Variants in PRICKLE1 observed in about 807,000 individuals in gnomAD.
The protein encoded by PRICKLE1 is prickle planar cell polarity protein 1, also known as prickle-like protein 1.
In PRICKLE1, 14 loss-of-function variants were observed where a neutral mutation model predicts 70.2. That is an observed-to-expected ratio of 0.20 (90% CI 0.13 to 0.31). PRICKLE1 has a LOEUF of 0.31. Ranked by LOEUF, PRICKLE1 falls within the 10% of genes least tolerant of loss-of-function variation. PRICKLE1 has a pLI of 1.00. For synonymous variants in PRICKLE1, 357 were observed against 379.9 expected, an observed-to-expected ratio of 0.94 and a Z score of 0.70; for missense variants, 821 against 1,026.2, an observed-to-expected ratio of 0.80 and a Z score of 2.73.
At chr12:42,518,843 TA>T (rs1347945876) in intron 1 of PRICKLE1, among the ~76,000 whole-genome samples, 1 of 152,240 alleles carries the variant, frequency 6.6e-6, no homozygotes, top group Non-Finnish European at 1.5e-5. Context: ...AGCCTTCTGA[TA>T]AACTGCAAAT....
At chr12:42,560,998 C>T (rs542608851) in intron 1 of PRICKLE1, among the ~76,000 whole-genome samples, 77 of 152,262 alleles carry the variant, frequency 5.1e-4, no homozygotes, top group African/African-American at 1.7e-3. Flanking sequence ...CTTCCCTCTT[C>T]CTTGAGGCAT....
chr12:42,582,824 T>A (rs1451365809), intron 1 of PRICKLE1, among the ~76,000 whole-genome samples: 2 of 151,780 alleles, frequency 1.3e-5, no homozygotes, highest in Admixed American at 1.3e-4. Flanking sequence ...GATTTCTTTT[T>A]TTTATTTAGC....
intron 1 of PRICKLE1, among the ~76,000 whole-genome samples, chr12:42,480,664 A>AT (rs1251893411): frequency 6.6e-6 from 1 of 152,254 alleles, no homozygotes; most frequent in African/African-American, 2.4e-5. Flanking sequence ...TGACATATAC[A>AT]TAAATGAGCC....
At chr12:42,490,351 A>G (rs1274812303) in intron 1 of PRICKLE1, among the ~76,000 whole-genome samples, 1 of 152,196 alleles carries the variant, frequency 6.6e-6, no homozygotes, top group Non-Finnish European at 1.5e-5. Flanking sequence ...GAGGGCCAAA[A>G]GAGCTGGAAC....
chr12:42,491,510 A>C (rs146901312), intron 1 of PRICKLE1, among the ~76,000 whole-genome samples: 4,895 of 151,976 alleles, frequency 0.032, 272 homozygotes, highest in African/African-American at 0.11. Context: ...CCGAGATCAC[A>C]TCATTGCACT....
chr12:42,474,769 A>T (rs1593118613), intron 1 of PRICKLE1, among the ~76,000 whole-genome samples: 2 of 152,346 alleles, frequency 1.3e-5, no homozygotes, highest in African/African-American at 4.8e-5. Context: ...ATGAAATTTA[A>T]CCCAAATCAT....
At chr12:42,518,023 C>G (rs1244032705) in intron 1 of PRICKLE1, among the ~76,000 whole-genome samples, 1 of 151,742 alleles carries the variant, frequency 6.6e-6, no homozygotes, top group Non-Finnish European at 1.5e-5. Context: ...CAGTCTAATG[C>G]AATTCCTTCA....
rs1030520615 is a variant in PRICKLE1 at position 42,589,057 on chromosome 12, C to T, written c.-49+408G>A. 6.6e-6 allele frequency: 1 copy of T among 152,240 alleles called. No homozygotes were observed. The highest frequency in any genetic ancestry group is 2.1e-4 in the South Asian group (1 of 4,834). 9.4% of individuals were successfully genotyped at this position (152,240 alleles called of 1,614,324 possible). A position where few individuals can be genotyped will look rare whatever the true frequency, so the allele number is the denominator to read the frequency against. On this transcript the variant is annotated intron_variant, in intron 1 of 7. Transcript: ENST00000345127. This position sits in a 1 kb window ranked among gnomAD's most constrained non-coding sequence, Gnocchi z 5.0. ...GCTAGAGGAGAGAATCGGTACCCTC[C>T]CTCCGGACGCCAGTAGGTGACAGGC... is the stretch of plus-strand genomic sequence containing the variant.
At chr12:42,529,978 A>C (rs1486696937) in intron 1 of PRICKLE1, among the ~76,000 whole-genome samples, 4 of 133,666 alleles carry the variant, frequency 3.0e-5, no homozygotes, top group African/African-American at 8.9e-5. Context: ...GTGGCGTCTC[A>C]CTCTGTCATC....
chr12:42,578,750 T>TATTTATTTATTTATTC (rs1940846419), intron 1 of PRICKLE1, among the ~76,000 whole-genome samples: 1 of 148,302 alleles, frequency 6.7e-6, no homozygotes, highest in Non-Finnish European at 1.5e-5. Context: ...TCATTTTATT[T>TATTTATTTATTTATTC]ATTTATTTAT....
At chr12:42,501,616 C>T (rs1377444979) in intron 1 of PRICKLE1, among the ~76,000 whole-genome samples, 1 of 151,670 alleles carries the variant, frequency 6.6e-6, no homozygotes, top group Non-Finnish European at 1.5e-5. Flanking sequence ...AAATGACCTT[C>T]CCTAACATGC....
At chr12:42,461,807 A>AT (rs1370700297) in intron 7 of PRICKLE1, among the ~76,000 whole-genome samples, 13 of 151,504 alleles carry the variant, frequency 8.6e-5, no homozygotes, top group Middle Eastern at 3.4e-3. Context: ...CTTCGTACTT[A>AT]TTTTTTTTTG....
chr12:42,549,119 C>CAAAAAAAAAA (rs34355848), intron 1 of PRICKLE1, among the ~76,000 whole-genome samples: 1 of 53,972 alleles, frequency 1.9e-5, no homozygotes, highest in Non-Finnish European at 3.1e-5. Flanking sequence ...ACCCTGTCTC[C>CAAAAAAAAAA]AAAAAAAAAA....
chr12:42,497,185 G>A (rs892813405), intron 1 of PRICKLE1, among the ~76,000 whole-genome samples: 8 of 152,280 alleles, frequency 5.3e-5, no homozygotes, highest in Middle Eastern at 6.8e-3. Flanking sequence ...TCAGAGGATA[G>A]GGAAAGCCAA....
chr12:42,568,557 T>C (rs1172169681), intron 1 of PRICKLE1, among the ~76,000 whole-genome samples: 1 of 152,232 alleles, frequency 6.6e-6, no homozygotes, highest in African/African-American at 2.4e-5. Context: ...AGGTGGCAAA[T>C]ACGCTTGATG....
chr12:42,565,178 C>T (rs1455223479), intron 1 of PRICKLE1, among the ~76,000 whole-genome samples: 3 of 152,198 alleles, frequency 2.0e-5, no homozygotes, highest in Non-Finnish European at 4.4e-5. Flanking sequence ...CCGGCCAGCA[C>T]AGCACATCTG....
At chr12:42,499,672 C>T (rs763690010) in intron 1 of PRICKLE1, among the ~76,000 whole-genome samples, 5 of 151,332 alleles carry the variant, frequency 3.3e-5, no homozygotes, top group East Asian at 2.0e-4. Context: ...CCATCCACCA[C>T]GGCCTCCCAA....
At chr12:42,577,402 T>C (rs1940821195) in intron 1 of PRICKLE1, among the ~76,000 whole-genome samples, 2 of 152,090 alleles carry the variant, frequency 1.3e-5, no homozygotes, top group African/African-American at 4.8e-5. Flanking sequence ...CTTTAAAACA[T>C]AGCTATTGTT....
intron 1 of PRICKLE1, among the ~76,000 whole-genome samples, chr12:42,508,382 G>C (rs1200460528): frequency 6.6e-6 from 1 of 152,132 alleles, no homozygotes; most frequent in East Asian, 1.9e-4. Flanking sequence ...TATGTGCAAT[G>C]TAATTCTCAC....
Sources: allele counts gnomAD v4.1 joint callset (sites outside exome capture counted in the v4.1 genomes callset), GRCh38; gene constraint gnomAD v4.1.1; non-coding constraint Gnocchi (gnomAD v3.1); transcripts MANE v1.5; gene names NCBI Gene and HGNC (gene_info 2026-07-23, HGNC 2026-07-21).